The following DNM3 variants were observed in gnomAD, a reference collection of about 807,000 sequenced individuals.
DNM3 encodes dynamin 3, also known as dynamin-3.
A neutral mutation model predicts 101.6 loss-of-function variants in DNM3; 47 were observed. That is an observed-to-expected ratio of 0.46 (90% CI 0.37 to 0.59). DNM3 has a LOEUF of 0.59. DNM3 is among the 20% of genes least tolerant of loss of function. DNM3 has a pLI of 0.00. For synonymous variants in DNM3, 385 were observed against 387.9 expected, an observed-to-expected ratio of 0.99 and a Z score of 0.09; for missense variants, 849 against 1,085.7, an observed-to-expected ratio of 0.78 and a Z score of 3.06.
chr1:171,992,723 G>C (rs1397729723), intron 4 of DNM3, among the ~76,000 whole-genome samples: 3 of 152,018 alleles, frequency 2.0e-5, no homozygotes, highest in African/African-American at 7.2e-5. Context: ...AGTCATTACT[G>C]ATGAGATAGA....
intron 14 of DNM3, among the ~76,000 whole-genome samples, chr1:172,171,944 G>A (rs1208621183): frequency 6.6e-6 from 1 of 151,694 alleles, no homozygotes; most frequent in Non-Finnish European, 1.5e-5. Context: ...GAAATCTCCA[G>A]TATGGAGGTT....
intron 16 of DNM3, among the ~76,000 whole-genome samples, chr1:172,320,473 G>A (rs573184122): frequency 2.1e-4 from 32 of 151,616 alleles, no homozygotes; most frequent in African/African-American, 5.8e-4. Flanking sequence ...AGTTCATGTC[G>A]TTTGCAGGGA....
rs138048972 is a variant in DNM3 at position 172,391,829 on chromosome 1, G to A, written c.2522+3020G>A. On this transcript the variant is annotated intron_variant, in intron 20 of 20. Transcript: ENST00000627582. Reference sequence around the variant, plus strand: ...AGGTGTCCCGCCAGCTCCCTGTTGGGCTTTAATATTACAAAGGCAATAACT... The same window carrying A: ...AGGTGTCCCGCCAGCTCCCTGTTGGACTTTAATATTACAAAGGCAATAACT... Among the ~76,000 whole-genome samples the A allele has an allele frequency of 3.8e-3, 579 of 152,196 alleles. 3 individuals carry two copies. Among genetic ancestry groups the A allele is most frequent in the African/African-American group, 0.013 (545 of 41,512 alleles).
chr1:172,010,097 G>A (rs1239052927), intron 4 of DNM3, among the ~76,000 whole-genome samples: 3 of 151,814 alleles, frequency 2.0e-5, no homozygotes, highest in East Asian at 1.9e-4. Context: ...GTTTATTTAA[G>A]TCTGAAGTTG....
intron 14 of DNM3, among the ~76,000 whole-genome samples, chr1:172,147,937 A>G (rs1330358858): frequency 6.6e-6 from 1 of 152,142 alleles, no homozygotes; most frequent in Admixed American, 6.6e-5. Context: ...AAATCCATTC[A>G]TGTACAACGT....
At chr1:171,856,592 C>T (rs929726383) in intron 1 of DNM3, among the ~76,000 whole-genome samples, 1 of 152,082 alleles carries the variant, frequency 6.6e-6, no homozygotes, top group African/African-American at 2.4e-5. Context: ...CTTCCACCTC[C>T]CTGGTTAGCT....
chr1:172,164,233 T>TTTTC (rs2058667186), intron 14 of DNM3, among the ~76,000 whole-genome samples: 2 of 32,050 alleles, frequency 6.2e-5, no homozygotes, highest in African/African-American at 5.2e-4. Flanking sequence ...TTTTCTTTTC[T>TTTTC]TTTTTTTTTT....
chr1:172,108,781 C>G (rs2055250755), intron 13 of DNM3, among the ~76,000 whole-genome samples: 3 of 152,180 alleles, frequency 2.0e-5, no homozygotes, highest in Admixed American at 2.0e-4. Flanking sequence ...GTACACTTGC[C>G]TTACCAAATA....
At chr1:171,919,882 T>C (rs2040019550) in intron 1 of DNM3, among the ~76,000 whole-genome samples, 1 of 152,226 alleles carries the variant, frequency 6.6e-6, no homozygotes, top group Admixed American at 6.5e-5. Context: ...TCCTGGTGTC[T>C]ACCCAGCATG....
At chr1:172,057,038 G>A (rs1344177808) in intron 10 of DNM3, among the ~76,000 whole-genome samples, 4 of 152,076 alleles carry the variant, frequency 2.6e-5, no homozygotes, top group Admixed American at 1.3e-4. Flanking sequence ...CGAGAACTAC[G>A]TGAAGAATTC....
intron 2 of DNM3, among the ~76,000 whole-genome samples, chr1:171,956,013 C>A (rs1243820931): frequency 5.3e-5 from 8 of 152,134 alleles, no homozygotes; most frequent in Non-Finnish European, 1.2e-4. Flanking sequence ...TTATCTCCCA[C>A]CAGGTCCCTC....
chr1:172,349,517 A>G (rs1350208403), intron 17 of DNM3, among the ~76,000 whole-genome samples: 1 of 152,144 alleles, frequency 6.6e-6, no homozygotes, highest in Non-Finnish European at 1.5e-5. Context: ...TATTCTACTG[A>G]TTGTGATCTG....
At chr1:171,972,996 G>C (rs2044123807) in intron 2 of DNM3, among the ~76,000 whole-genome samples, 1 of 152,154 alleles carries the variant, frequency 6.6e-6, no homozygotes, top group South Asian at 2.1e-4. Context: ...ACATTTTTAT[G>C]GGGAAAGTTT....
chr1:172,339,082 TG>T (rs1558015685), intron 17 of DNM3: 1 of 488,384 alleles, frequency 2.0e-6, no homozygotes, highest in Admixed American at 2.2e-5. Flanking sequence ...GAAGAAAAGT[TG>T]GGGGGAACAT....
chr1:171,865,460 G>T (rs189786668), intron 1 of DNM3, among the ~76,000 whole-genome samples: 1 of 148,276 alleles, frequency 6.7e-6, no homozygotes, highest in Non-Finnish European at 1.5e-5. Context: ...AGGCTGCGGT[G>T]AGCCATGATC....
chr1:172,061,398 T>C (rs1007763045), intron 10 of DNM3, among the ~76,000 whole-genome samples: 4 of 150,650 alleles, frequency 2.7e-5, no homozygotes, highest in Admixed American at 6.6e-5. Context: ...CATATGCACA[T>C]GTATGTTTAT....
intron 14 of DNM3, among the ~76,000 whole-genome samples, chr1:172,205,038 ATT>A (rs2148499638): frequency 6.6e-6 from 1 of 152,286 alleles, no homozygotes; most frequent in Admixed American, 6.5e-5. Context: ...TAGTAAAGAC[ATT>A]GTTCTGTGAA....
At chr1:172,393,978 T>C (rs2069750563) in intron 20 of DNM3, 1 of 152,230 alleles carries the variant, frequency 6.6e-6, no homozygotes, top group Non-Finnish European at 1.5e-5. Context: ...GAAAATAGAA[T>C]TTTGGCCACA....
At chr1:172,183,753 A>G (rs1572863142) in intron 14 of DNM3, among the ~76,000 whole-genome samples, 1 of 132,134 alleles carries the variant, frequency 7.6e-6, no homozygotes, top group Admixed American at 7.8e-5. Context: ...GGGTTGCACC[A>G]CCATGCCCAG....
Sources: allele counts gnomAD v4.1 joint callset (sites outside exome capture counted in the v4.1 genomes callset), GRCh38; gene constraint gnomAD v4.1.1; transcripts MANE v1.5; gene names NCBI Gene and HGNC (gene_info 2026-07-23, HGNC 2026-07-21).